The following FSTL4 variants were observed in gnomAD, a reference collection of about 807,000 sequenced individuals.
FSTL4 encodes follistatin-related protein 4.
A neutral mutation model predicts 78.2 loss-of-function variants in FSTL4; 28 were observed. The observed-to-expected ratio is 0.36, with a 90% confidence interval of 0.27 to 0.49. FSTL4 has a LOEUF of 0.49. Among genes scored for constraint, FSTL4 ranks in the 20% least tolerant of loss-of-function variants. The pLI is 0.98. For missense variants in FSTL4, 922 were observed against 1,084.9 expected (o/e 0.85, Z 2.11); for synonymous variants, 422 against 440.5 (o/e 0.96, Z 0.53).
chr5:133,517,447 AATATAT>A (rs1554068021), intron 3 of FSTL4, among the ~76,000 whole-genome samples: 3 of 16,398 alleles, frequency 1.8e-4, no homozygotes. Context: ...AAAAAAAAAA[AATATAT>A]ATATATATAT....
intron 3 of FSTL4, among the ~76,000 whole-genome samples, chr5:133,521,798 T>C (rs1758986805): frequency 6.6e-6 from 1 of 152,188 alleles, no homozygotes; most frequent in Non-Finnish European, 1.5e-5. Context: ...TGAGCAGCCA[T>C]GACACTGCAC....
chr5:133,395,952 A>G (rs1323224582), intron 4 of FSTL4, among the ~76,000 whole-genome samples: 1 of 152,134 alleles, frequency 6.6e-6, no homozygotes, highest in African/African-American at 2.4e-5. Flanking sequence ...TTGCTTTTCT[A>G]CTAACCTGCT....
chr5:133,462,968 G>A (rs369292293), intron 3 of FSTL4, among the ~76,000 whole-genome samples: 10 of 152,340 alleles, frequency 6.6e-5, no homozygotes, highest in Middle Eastern at 3.4e-3. Flanking sequence ...CCTGGAGTTC[G>A]CAAGCAACCA....
At chr5:133,556,587 C>T (rs150451935) in intron 3 of FSTL4, among the ~76,000 whole-genome samples, 304 of 152,142 alleles carry the variant, frequency 2.0e-3, no homozygotes, top group Middle Eastern at 0.01. Flanking sequence ...ATTATCTGGG[C>T]GTGGTGGTGC....
At chr5:133,518,786 T>A (rs1758914314) in intron 3 of FSTL4, among the ~76,000 whole-genome samples, 1 of 152,226 alleles carries the variant, frequency 6.6e-6, no homozygotes, top group African/African-American at 2.4e-5. Flanking sequence ...GATGATAATT[T>A]AAAAATATTT....
chr5:133,216,434 C>T (rs1750911036), intron 13 of FSTL4, among the ~76,000 whole-genome samples: 1 of 152,176 alleles, frequency 6.6e-6, no homozygotes, highest in East Asian at 1.9e-4. Context: ...ATTCTCCTGC[C>T]TCGGCCTCCC....
At chr5:133,742,753 C>G in the FSTL4 span, among the ~76,000 whole-genome samples, 2 of 152,100 alleles carry the variant, frequency 1.3e-5, no homozygotes, top group African/African-American at 4.8e-5. Flanking sequence ...GGGGTTAGTG[C>G]TTTCATCTGA....
the FSTL4 span, among the ~76,000 whole-genome samples, chr5:133,670,359 C>T: frequency 6.6e-6 from 1 of 152,346 alleles, no homozygotes; most frequent in South Asian, 2.1e-4. Flanking sequence ...AAGCTGTCTA[C>T]ATCAACCATG....
At chr5:133,261,427 G>A (rs955036263) in intron 6 of FSTL4, among the ~76,000 whole-genome samples, 3 of 152,140 alleles carry the variant, frequency 2.0e-5, no homozygotes, top group Admixed American at 6.5e-5. Context: ...CCTCTTAGCC[G>A]AGAAGACCCC....
At chr5:133,765,830 T>G in the FSTL4 span, among the ~76,000 whole-genome samples, 1 of 152,188 alleles carries the variant, frequency 6.6e-6, no homozygotes, top group Non-Finnish European at 1.5e-5. Context: ...GAAAATTCAT[T>G]AAGCAGCAGC....
chr5:133,318,489 G>T (rs766121439), intron 4 of FSTL4, among the ~76,000 whole-genome samples: 53 of 152,236 alleles, frequency 3.5e-4, no homozygotes, highest in Non-Finnish European at 4.9e-4. Flanking sequence ...GACCAGAAGT[G>T]GGGGTACAGA....
chr5:133,628,360 TC>T, the FSTL4 span, among the ~76,000 whole-genome samples: 2 of 134,768 alleles, frequency 1.5e-5, no homozygotes, highest in African/African-American at 7.1e-5. Context: ...TCTTTTCTTT[TC>T]TTTTCTTTTT....
At chr5:133,371,141 A>G (rs964343035) in intron 4 of FSTL4, among the ~76,000 whole-genome samples, 1 of 152,224 alleles carries the variant, frequency 6.6e-6, no homozygotes, top group Non-Finnish European at 1.5e-5. Flanking sequence ...CAGAGGGCCA[A>G]CGGTCCCGAG....
chr5:133,317,258 C>T (rs1003038183), intron 4 of FSTL4, among the ~76,000 whole-genome samples: 9 of 152,338 alleles, frequency 5.9e-5, no homozygotes, highest in African/African-American at 1.9e-4. Flanking sequence ...TTATCCCAGG[C>T]GCGCTTGCTG....
intron 4 of FSTL4, among the ~76,000 whole-genome samples, chr5:133,323,388 CT>C (rs1023108947): frequency 2.0e-5 from 3 of 152,320 alleles, no homozygotes; most frequent in East Asian, 1.9e-4. Flanking sequence ...GTGAGATGGG[CT>C]CAAAGCCCCA....
intron 6 of FSTL4, among the ~76,000 whole-genome samples, chr5:133,302,215 T>C (rs1048153282): frequency 6.6e-6 from 1 of 152,070 alleles, no homozygotes; most frequent in African/African-American, 2.4e-5. Flanking sequence ...TCTGAACATA[T>C]GGCCGTTACA....
chr5:133,376,897 A>C (rs554865676), intron 4 of FSTL4, among the ~76,000 whole-genome samples: 2,411 of 151,472 alleles, frequency 0.016, 26 homozygotes, highest in Non-Finnish European at 0.025. Flanking sequence ...TCAAAAAAAA[A>C]AAAAAAAAGA....
the FSTL4 span, among the ~76,000 whole-genome samples, chr5:133,698,641 T>G: frequency 6.6e-6 from 1 of 152,270 alleles, no homozygotes; most frequent in Non-Finnish European, 1.5e-5. Flanking sequence ...GCGTGTAACG[T>G]GCTTGGCACA....
intron 4 of FSTL4, among the ~76,000 whole-genome samples, chr5:133,341,431 C>A (rs750120823): frequency 9.2e-5 from 14 of 152,224 alleles, no homozygotes; most frequent in African/African-American, 1.9e-4. Context: ...TACCCCAGAA[C>A]ACGGCTTCTC....
Sources: gnomAD v4.1 joint callset for allele counts (sites outside exome capture counted in the v4.1 genomes callset) on GRCh38, gnomAD v4.1.1 for gene constraint, MANE v1.5 for transcripts, NCBI Gene and HGNC (gene_info 2026-07-23, HGNC 2026-07-21) for gene names.